The following DHRS7 variants were observed in gnomAD, a reference collection of about 807,000 sequenced individuals.
DHRS7 encodes dehydrogenase/reductase 7.
DHRS7 carries 34 observed loss-of-function variants against 38.9 expected under a neutral mutation model. The observed-to-expected ratio is 0.87, with a 90% CI of 0.66 to 1.16. The LOEUF (loss-of-function observed/expected upper bound fraction) is 1.16, where lower values mean the gene tolerates loss of function less well. Among genes scored for constraint, DHRS7 ranks in the 50% most tolerant of loss-of-function variants. The pLI is 0.00. For missense variants in DHRS7, 421 were observed against 407.0 expected (o/e 1.03, Z -0.30); for synonymous variants, 158 against 153.1 (o/e 1.03, Z -0.24).
chr14:60,159,080 A>G, intron 1 of DHRS7: 1 of 458,524 alleles, frequency 2.2e-6, no homozygotes, highest in Non-Finnish European at 4.4e-6. Context: ...GTTACCCAAG[A>G]CGACAAATAT....
At chr14:60,149,123 C>T (rs940200242) in intron 6 of DHRS7, 56 of 503,976 alleles carry the variant, frequency 1.1e-4, no homozygotes, top group Non-Finnish European at 2.0e-4. Flanking sequence ...CAGGCATGCA[C>T]CACCATGCCC....
intron 4 of DHRS7, among the ~76,000 whole-genome samples, chr14:60,150,560 T>C (rs1896522744): frequency 6.6e-6 from 1 of 151,962 alleles, no homozygotes. Flanking sequence ...AGTGAGAACA[T>C]GCAGTGTTTG....
At chr14:60,169,152 A>AC, upstream of DHRS7, 1 of 151,852 alleles carries the variant, frequency 6.6e-6, no homozygotes, top group East Asian at 1.9e-4. Flanking sequence ...AAAAAAAAAA[A>AC]AAAAAAAAAC....
upstream of DHRS7, chr14:60,168,569 T>A: frequency 1.7e-6 from 2 of 1,206,784 alleles, no homozygotes; most frequent in Non-Finnish European, 2.3e-6. Context: ...GAATCTATAA[T>A]CATTTTAAAG....
chr14:60,169,029 G>A (rs1896899518), upstream of DHRS7: 1 of 247,882 alleles, frequency 4.0e-6, no homozygotes, highest in Non-Finnish European at 7.6e-6. Context: ...TGCCTGGAAG[G>A]CAGAAGTTGC....
At chr14:60,157,622 G>A (rs1896684061) in intron 1 of DHRS7, among the ~76,000 whole-genome samples, 1 of 152,146 alleles carries the variant, frequency 6.6e-6, no homozygotes. Flanking sequence ...GGTAACTGAG[G>A]TTTACAGAGA....
chr14:60,154,603 G>T (rs1320303005), intron 2 of DHRS7, among the ~76,000 whole-genome samples: 1 of 152,102 alleles, frequency 6.6e-6, no homozygotes, highest in Non-Finnish European at 1.5e-5. Context: ...TTGGCTTTCT[G>T]TTCATCAAAA....
At chr14:60,156,919 T>C (rs1036024804) in intron 1 of DHRS7, among the ~76,000 whole-genome samples, 2 of 152,238 alleles carry the variant, frequency 1.3e-5, no homozygotes, top group African/African-American at 4.8e-5. Flanking sequence ...CAATGACAAA[T>C]GGTTTATTCT....
At chr14:60,159,273 T>A (rs979695974) in intron 1 of DHRS7, 8 of 431,108 alleles carry the variant, frequency 1.9e-5, no homozygotes, top group Non-Finnish European at 1.3e-5. Flanking sequence ...CACAGAAAAT[T>A]TCATGTCAGC....
At position 60,153,067 on chromosome 14, in the gene DHRS7, AG is replaced by A; in HGVS notation, c.504del (p.Leu169Ter). On this transcript the variant is annotated frameshift_variant, in exon 4 of 7. Coordinates refer to ENST00000557185, the MANE Select transcript of DHRS7 (RefSeq NM_016029.4). LOFTEE classifies it high-confidence loss of function. The surrounding 1 kb of genome is among the most constrained non-coding windows in gnomAD (Gnocchi z 4.4). The stretch of plus-strand genomic sequence containing the variant: ...ATGTGAGGCAGAACACATTTTGTCA[AG>A]GACACCGTCCCTAAGTAGTTAAGCT... ...LIELNYLGTV[S>X]LTKCVLPHMI... The A allele has an allele frequency of 6.2e-7, 1 of 1,614,248 alleles. No homozygotes were observed. Among genetic ancestry groups the A allele is most frequent in the South Asian group, 1.1e-5 (1 of 91,090 alleles).
At position 60,149,534 on chromosome 14, in the gene DHRS7, A is replaced by G. The variant is rs756192130; in HGVS notation, c.791T>C (p.Met264Thr). ...IGNNGDQSHK[M>T]TTSRCVRLML... is the part of the protein sequence containing the mutation. ...CAGCCGCACACAACGACTGGTTGTC[A>G]TCTTGTGGGACTGGTCTCCATTATT... The change falls in exon 6 of 7, where the codon ATG becomes ACG. Residue 264 changes from methionine to threonine, a missense_variant. Met to Thr is a moderately conservative substitution (Grantham distance 81). Transcript: ENST00000557185. 18 of 1,613,684 alleles carry G rather than the reference A, an allele frequency of 1.1e-5. No homozygotes were observed. The highest frequency in any genetic ancestry group is 1.4e-5 in the Non-Finnish European group (17 of 1,179,760).
intron 1 of DHRS7, 32 bp from the exon 2 acceptor site, chr14:60,156,184 A>G (rs539439393): frequency 6.6e-7 from 1 of 1,505,554 alleles, no homozygotes; most frequent in South Asian, 1.3e-5. Context: ...AAGGAAGAAA[A>G]TAAGCAATGA....
rs886871748 is a variant in DHRS7 at position 60,148,289 on chromosome 14, T to A, written c.972+1064A>T. ...CTTGTTTTATAATTCTTTTTTTATC[T>A]GTCAATCCCCATTGATTAATTTCTA... On this transcript the variant is annotated intron_variant, in intron 6 of 6. Transcript: ENST00000557185. This position sits in a 1 kb window ranked among gnomAD's most constrained non-coding sequence, Gnocchi z 4.8. 10 of 152,230 alleles carry A rather than the reference T, an allele frequency of 6.6e-5. No individual in the cohort carries two copies. Among genetic ancestry groups the A allele is most frequent in the Admixed American group, 2.0e-4 (3 of 15,286 alleles). The allele number at this position is 152,230 out of a possible 1,614,324, so 9.4% of individuals were successfully genotyped here. A position where few individuals can be genotyped will look rare whatever the true frequency, so the allele number is the denominator to read the frequency against.
At position 60,162,254 on chromosome 14, in the gene DHRS7, T is replaced by C. The variant is rs1896777853; in HGVS notation, c.133+2923A>G. Among the ~76,000 whole-genome samples, 1 of 152,118 alleles carries C rather than the reference T, an allele frequency of 6.6e-6. No individual in the cohort carries two copies. The highest frequency in any genetic ancestry group is 2.4e-5 in the African/African-American group (1 of 41,426). ...CAGGTGTGGTGGTTTGCACCTGTAG[T>C]CCTAGCTACTGGGGAGGCTGAGGTG... On this transcript the variant is annotated intron_variant, in intron 1 of 6. Coordinates refer to ENST00000557185, the MANE Select transcript of DHRS7 (RefSeq NM_016029.4). This position sits in a 1 kb window ranked among gnomAD's most constrained non-coding sequence, Gnocchi z 4.5.
At position 60,156,083 on chromosome 14, in the gene DHRS7, T is replaced by TAAGCCAGCTCCTCACCAA. The variant is rs770364604; in HGVS notation, c.185_202dup (p.Ala67_Tyr68insPheGlyGluGluLeuAla). The TAAGCCAGCTCCTCACCAA allele has an allele frequency of 4.1e-5, 66 of 1,605,830 alleles. No individual in the cohort carries two copies. In the South Asian group the frequency reaches 6.0e-4, roughly 15 times the overall value. On this transcript the variant is annotated inframe_insertion, in exon 2 of 7. Coordinates refer to ENST00000557185, the MANE Select transcript of DHRS7 (RefSeq NM_016029.4). ...AGAAACTCCTAGTTTAGACAACTGG[T>TAAGCCAGCTCCTCACCAA]AAGCCAGCTCCTCACCAATTCCACT...
intron 1 of DHRS7, among the ~76,000 whole-genome samples, chr14:60,163,747 A>T (rs908447863): frequency 2.6e-5 from 4 of 152,244 alleles, no homozygotes; most frequent in Non-Finnish European, 5.9e-5. Context: ...CACTTGACAT[A>T]ATTTGATGGG....
Position 60,145,549 on chromosome 14 carries a change from C to A in DHRS7, c.973-536G>T. ...ATTAGCTGGGTGTGGTGGTGTGCACCTGTAATCCCAGCTACCCGGGAGGCT... is the reference window on the plus strand; with the variant it reads ...ATTAGCTGGGTGTGGTGGTGTGCACATGTAATCCCAGCTACCCGGGAGGCT... On this transcript the variant is annotated intron_variant, in intron 6 of 6. Transcript: ENST00000557185. The surrounding 1 kb of genome is among the most constrained non-coding windows in gnomAD (Gnocchi z 4.0). 6.6e-6 allele frequency: 1 copy of A among 152,292 alleles called. No homozygotes were observed. The highest frequency in any genetic ancestry group is 1.5e-5 in the Non-Finnish European group (1 of 68,134). The allele number at this position is 152,292 out of a possible 1,614,324, so 9.4% of individuals were successfully genotyped here. A position where few individuals can be genotyped will look rare whatever the true frequency, so the allele number is the denominator to read the frequency against.
In DHRS7 at chr14:60,156,043, G is replaced by A. The variant is rs182818644; in HGVS notation, c.243C>T (p.Ala81=). The change falls in exon 2 of 7, where the codon GCC becomes GCT. Residue 81 remains alanine, a synonymous_variant. Coordinates refer to ENST00000557185, the MANE Select transcript of DHRS7 (RefSeq NM_016029.4). ...SKLGVSLVLS[A]RRVHELERVK... ...CCCTTTCCAGCTCATGCACTCTTCT[G>A]GCTGACAGCACAAGAGAAACTCCTA... The A allele has an allele frequency of 1.9e-6, 3 of 1,600,658 alleles. No individual in the cohort carries two copies. Among genetic ancestry groups the A allele is most frequent in the Non-Finnish European group, 2.6e-6 (3 of 1,173,622 alleles).
At chr14:60,158,608 CT>C (rs1291447081) in intron 1 of DHRS7, among the ~76,000 whole-genome samples, 1 of 152,206 alleles carries the variant, frequency 6.6e-6, no homozygotes, top group East Asian at 1.9e-4. Context: ...TCCTCCCACC[CT>C]GAAGAAACTT....
Sources: allele counts gnomAD v4.1 joint callset (sites outside exome capture counted in the v4.1 genomes callset), GRCh38; gene constraint gnomAD v4.1.1; non-coding constraint Gnocchi (gnomAD v3.1); transcripts MANE v1.5; gene names NCBI Gene and HGNC (gene_info 2026-07-23, HGNC 2026-07-21).